COL19A1: variants seen among roughly 807,000 people sequenced by gnomAD.
COL19A1 encodes the protein collagen type XIX alpha 1 chain, also known as collagen alpha-1(XIX) chain.
A neutral mutation model predicts 190.2 loss-of-function variants in COL19A1; 159 were observed. That is an observed-to-expected ratio of 0.84 (90% confidence interval 0.73 to 0.95). The LOEUF (loss-of-function observed/expected upper bound fraction) is 0.95, where lower values mean the gene tolerates loss of function less well. Ranked by LOEUF, COL19A1 falls within the 40% of genes least tolerant of loss-of-function variation. The probability of loss-of-function intolerance (pLI) is 0.00; values close to 1 mark genes in which losing one functional copy is unlikely to be tolerated. For missense variants in COL19A1, 1,418 were observed against 1,431.9 expected, an observed-to-expected ratio of 0.99 and a Z score of 0.16; for synonymous variants, 509 against 458.9, an observed-to-expected ratio of 1.11 and a Z score of -1.39.
intron 14 of COL19A1, among the ~76,000 whole-genome samples, chr6:70,041,778 A>G (rs115709033): frequency 0.018 from 2,770 of 152,274 alleles, 94 homozygotes; most frequent in African/African-American, 0.061. Flanking sequence ...CAGGTCAGGC[A>G]TGGTGGCTCA....
intron 15 of COL19A1, among the ~76,000 whole-genome samples, chr6:70,100,133 C>T (rs772455102): frequency 6.6e-6 from 1 of 152,176 alleles, no homozygotes; most frequent in African/African-American, 2.4e-5. Flanking sequence ...GGAATGTAAA[C>T]TAAAGTTGAT....
intron 11 of COL19A1, among the ~76,000 whole-genome samples, chr6:70,018,633 G>T (rs1429650488): frequency 6.6e-6 from 1 of 152,106 alleles, no homozygotes; most frequent in Non-Finnish European, 1.5e-5. Flanking sequence ...ATGACTTTAG[G>T]TCAGGTAGTT....
rs760736556 is a variant in COL19A1, at chr6:70,200,913, A to G, written c.3223+1177A>G. On this transcript the variant is annotated intron_variant, in intron 49 of 50. Transcript: ENST00000620364. ...CTCTCTAGTTTTTTTTAAACGATAC[A>G]TATATTCCACCATTATCTTTAGATT... Among the ~76,000 whole-genome samples, 318 of 152,318 alleles carry G rather than the reference A, an allele frequency of 2.1e-3. 5 individuals carry two copies. The highest frequency in any genetic ancestry group is 8.8e-4 in the Non-Finnish European group (60 of 68,040).
At chr6:69,889,794 A>T (rs1176362095) in intron 2 of COL19A1, 2 of 152,284 alleles carry the variant, frequency 1.3e-5, no homozygotes, top group South Asian at 4.1e-4. Flanking sequence ...TGTAAAATGG[A>T]CCAATCAGCA....
chr6:69,904,166 C>T (rs1447500666), intron 4 of COL19A1, among the ~76,000 whole-genome samples: 4 of 152,174 alleles, frequency 2.6e-5, no homozygotes, highest in African/African-American at 4.8e-5. Flanking sequence ...GGAGGGAAAG[C>T]GTTCATCATC....
At position 69,916,633 on chromosome 6, in the gene COL19A1, G is replaced by A. The variant is rs1485632469; in HGVS notation, c.267-11276G>A. Among the ~76,000 whole-genome samples the A allele has an allele frequency of 2.0e-5, 3 of 152,262 alleles. No homozygotes were observed. In the East Asian group the frequency reaches 5.8e-4, roughly 29 times the overall value. On this transcript the variant is annotated intron_variant, in intron 4 of 50. Transcript: ENST00000620364. Reference sequence around the variant, plus strand: ...AAATGTCAGAATAAATACTTTGCTTGGAGCCCAAAATATGATTCATTGTTG... The same window carrying A: ...AAATGTCAGAATAAATACTTTGCTTAGAGCCCAAAATATGATTCATTGTTG...
chr6:69,997,026 T>TATATATAGAGAGAG (rs576813975), intron 11 of COL19A1, among the ~76,000 whole-genome samples: 6 of 146,900 alleles, frequency 4.1e-5, no homozygotes, highest in African/African-American at 1.6e-4. Flanking sequence ...TATATATATA[T>TATATATAGAGAGAG]AGAGAGAGAG....
At chr6:69,916,171 T>C (rs1266692995) in intron 4 of COL19A1, among the ~76,000 whole-genome samples, 1 of 151,974 alleles carries the variant, frequency 6.6e-6, no homozygotes. Context: ...CTCCTGACCT[T>C]GTGATCTGCC....
intron 25 of COL19A1, 150 bp downstream of exon 25, chr6:70,145,157 G>A: frequency 1.5e-6 from 1 of 648,658 alleles, no homozygotes; most frequent in Non-Finnish European, 2.7e-6. Context: ...ATTTGACCTA[G>A]CAATCCCACT....
chr6:69,921,481 T>TTC lies in COL19A1; in HGVS notation c.267-6428_267-6427insTC, dbSNP rs1582406601. On this transcript the variant is annotated intron_variant, in intron 4 of 50. Coordinates refer to ENST00000620364, the MANE Select transcript of COL19A1 (RefSeq NM_001858.6). ...TATATCATATATATTCATATATTCATATATATTCATATATATTCATATATA... is the reference window on the plus strand; with the variant it reads ...TATATCATATATATTCATATATTCATTCATATATTCATATATATTCATATATA... Among the ~76,000 whole-genome samples, 803 of 86,220 alleles carry TTC rather than the reference T, an allele frequency of 9.3e-3. 52 individuals carry two copies. Among genetic ancestry groups the TTC allele is most frequent in the African/African-American group, 0.031 (513 of 16,556 alleles). The allele number at this position is 86,220 out of a possible 152,430, so 56.6% of individuals were successfully genotyped here.
intron 4 of COL19A1, among the ~76,000 whole-genome samples, chr6:69,918,006 C>T (rs796335834): frequency 1.3e-5 from 2 of 152,098 alleles, no homozygotes; most frequent in African/African-American, 2.4e-5. Flanking sequence ...GTACAAAGGC[C>T]CAAGGTCTCA....
chr6:70,150,171 TC>T, intron 30 of COL19A1, 126 bp downstream of exon 30: 2 of 982,254 alleles, frequency 2.0e-6, no homozygotes, highest in Non-Finnish European at 3.2e-6. Context: ...ATTTTGTTTA[TC>T]CCCATTATTT....
intron 11 of COL19A1, among the ~76,000 whole-genome samples, chr6:70,016,892 C>T (rs918878628): frequency 5.9e-5 from 9 of 151,932 alleles, no homozygotes; most frequent in Non-Finnish European, 1.3e-4. Context: ...AAATCAGGAA[C>T]CCTAATACAC....
intron 31 of COL19A1, among the ~76,000 whole-genome samples, chr6:70,153,998 T>C (rs2150249608): frequency 6.6e-6 from 1 of 152,220 alleles, no homozygotes; most frequent in East Asian, 1.9e-4. Flanking sequence ...GGGGTACATG[T>C]GCAGAACGTG....
In COL19A1 at chr6:70,149,874, G is replaced by T. The variant is rs771002471; in HGVS notation, c.1953G>T (p.Leu651Phe). The T allele has an allele frequency of 1.9e-6, 3 of 1,613,684 alleles. No individual in the cohort carries two copies. Among genetic ancestry groups the T allele is most frequent in the East Asian group, 4.5e-5 (2 of 44,834 alleles). Residue 651 changes from leucine to phenylalanine, a missense_variant, in exon 29 of 51, where the codon TTG becomes TTT. Physicochemically the swap from Leu to Phe is conservative, Grantham distance 22. Coordinates refer to ENST00000620364, the MANE Select transcript of COL19A1 (RefSeq NM_001858.6). ...AGGGTCCTCGAGGTCTCCCTGGGTT[G>T]CCAGGAACTCCAGGGACTCCAGGGA... ...GIQGPRGLPG[L>F]PGTPGTPGND...
chr6:70,069,490 A>G (rs1781428603), intron 15 of COL19A1, among the ~76,000 whole-genome samples: 1 of 152,154 alleles, frequency 6.6e-6, no homozygotes, highest in Non-Finnish European at 1.5e-5. Context: ...CCAACATGCC[A>G]ATAATCTTTG....
At position 69,879,670 on chromosome 6, in the gene COL19A1, A is replaced by C. The variant is rs1470875953; in HGVS notation, c.91+12A>C. ...TAGGGACAAGACAGGTATCCAGGCCAACTCTTTGCCTAATCACCAAATGTT... is the reference window on the plus strand; with the variant it reads ...TAGGGACAAGACAGGTATCCAGGCCCACTCTTTGCCTAATCACCAAATGTT... On this transcript the variant is annotated intron_variant, in intron 2 of 50. Coordinates refer to ENST00000620364, the MANE Select transcript of COL19A1 (RefSeq NM_001858.6). 2 of 1,612,888 alleles carry C rather than the reference A, an allele frequency of 1.2e-6. No individual in the cohort carries two copies. The highest frequency in any genetic ancestry group is 1.7e-6 in the Non-Finnish European group (2 of 1,179,028).
At chr6:70,029,432 G>A (rs1431709072) in intron 12 of COL19A1, among the ~76,000 whole-genome samples, 2 of 152,054 alleles carry the variant, frequency 1.3e-5, no homozygotes, top group African/African-American at 2.4e-5. Flanking sequence ...GTGCTTTTGG[G>A]AATCTTTATG....
intron 29 of COL19A1, 30 bp downstream of exon 29, chr6:70,149,934 AT>A (rs1786939519): frequency 6.2e-7 from 1 of 1,613,602 alleles, no homozygotes; most frequent in South Asian, 1.1e-5. Flanking sequence ...ACCCTCCCCC[AT>A]TTTAATCTGC....
Sources: allele counts gnomAD v4.1 joint callset (sites outside exome capture counted in the v4.1 genomes callset), GRCh38; gene constraint gnomAD v4.1.1; transcripts MANE v1.5; gene names NCBI Gene and HGNC (gene_info 2026-07-23, HGNC 2026-07-21).